Variants in STK24 observed in about 807,000 individuals in gnomAD.
The protein encoded by STK24 is serine/threonine-protein kinase 24.
In STK24, 21 loss-of-function variants were observed where a neutral mutation model predicts 55.6. The ratio of observed to expected loss-of-function variants is 0.38; its 90% CI spans 0.27 to 0.54. The LOEUF is 0.54. Among genes scored for constraint, STK24 ranks in the 20% least tolerant of loss-of-function variants. The pLI, the probability that STK24 is intolerant of heterozygous loss-of-function variation, is 0.79. For missense variants in STK24, 383 were observed against 538.4 expected (o/e 0.71, Z 2.86); for synonymous variants, 200 against 215.2 (o/e 0.93, Z 0.62).
intron 5 of STK24, among the ~76,000 whole-genome samples, chr13:98,473,652 G>A (rs1366863353): frequency 6.6e-6 from 1 of 152,164 alleles, no homozygotes; most frequent in East Asian, 1.9e-4. Flanking sequence ...CTGCTGTGTG[G>A]GTATGTGGGG....
At chr13:98,461,072 G>T (rs1312048325) in intron 8 of STK24, among the ~76,000 whole-genome samples, 1 of 151,030 alleles carries the variant, frequency 6.6e-6, no homozygotes, top group Non-Finnish European at 1.5e-5. Flanking sequence ...GAGAGAGAGA[G>T]AGAGAAAAGT....
intron 3 of STK24, among the ~76,000 whole-genome samples, chr13:98,481,909 A>G (rs1229441135): frequency 2.0e-5 from 3 of 151,838 alleles, no homozygotes; most frequent in Non-Finnish European, 2.9e-5. Context: ...AACAACAACA[A>G]CCACAAAATT....
chr13:98,535,739 G>A (rs567913713), intron 1 of STK24, among the ~76,000 whole-genome samples: 52 of 152,268 alleles, frequency 3.4e-4, no homozygotes, highest in African/African-American at 1.2e-3. Context: ...GCTCGGAAGC[G>A]GGGTTTAAGG....
intron 1 of STK24, among the ~76,000 whole-genome samples, chr13:98,571,499 T>A (rs1263473020): frequency 1.3e-5 from 2 of 152,194 alleles, no homozygotes; most frequent in African/African-American, 4.8e-5. Flanking sequence ...GATCTGAGAC[T>A]GGACTCCTCC....
chr13:98,460,787 T>C (rs1893670889), intron 8 of STK24, among the ~76,000 whole-genome samples: 1 of 151,878 alleles, frequency 6.6e-6, no homozygotes, highest in South Asian at 2.1e-4. Context: ...TGCCTGTCAT[T>C]CCAACACTTT....
chr13:98,524,793 T>C (rs962347341), intron 1 of STK24, among the ~76,000 whole-genome samples: 1 of 152,228 alleles, frequency 6.6e-6, no homozygotes, highest in African/African-American at 2.4e-5. Flanking sequence ...TGTTTTCCTT[T>C]TGCCTGGACC....
At chr13:98,568,855 C>G (rs557472820) in intron 1 of STK24, among the ~76,000 whole-genome samples, 20 of 151,930 alleles carry the variant, frequency 1.3e-4, no homozygotes, top group Admixed American at 5.9e-4. Flanking sequence ...GGTGACAGAG[C>G]GAGACTCCAT....
intron 2 of STK24, among the ~76,000 whole-genome samples, chr13:98,494,911 A>G (rs1374576705): frequency 1.3e-5 from 2 of 152,214 alleles, no homozygotes; most frequent in Admixed American, 1.3e-4. Context: ...AGGGATGCAG[A>G]GACAGCTGCT....
intron 1 of STK24, chr13:98,521,868 G>C (rs752034946): frequency 1.2e-6 from 1 of 830,834 alleles, no homozygotes; most frequent in Admixed American, 1.7e-5. Flanking sequence ...TCTCCTCCAG[G>C]ATAAGGCTTC....
At chr13:98,517,026 C>T (rs1346160723) in intron 2 of STK24, among the ~76,000 whole-genome samples, 1 of 152,164 alleles carries the variant, frequency 6.6e-6, no homozygotes, top group African/African-American at 2.4e-5. Flanking sequence ...GCAGCCCATT[C>T]CAGCATGCAG....
intron 9 of STK24, 143 bp from the exon 10 acceptor site, chr13:98,457,447 C>G (rs1893512576): frequency 3.7e-6 from 4 of 1,073,262 alleles, no homozygotes; most frequent in Admixed American, 5.3e-5. Flanking sequence ...GGCTAGGGCT[C>G]CAGGCCACTT....
chr13:98,528,587 C>T (rs937811964), intron 1 of STK24, among the ~76,000 whole-genome samples: 6 of 152,182 alleles, frequency 3.9e-5, no homozygotes, highest in African/African-American at 1.4e-4. Flanking sequence ...TTCCATAATC[C>T]CTTGAAAGAA....
chr13:98,491,380 A>G (rs914871692), intron 2 of STK24, among the ~76,000 whole-genome samples: 2 of 152,252 alleles, frequency 1.3e-5, no homozygotes, highest in African/African-American at 4.8e-5. Context: ...AAATGCAGGA[A>G]GAAGTGCTTC....
At position 98,446,963 on chromosome 13, in the gene STK24, C is replaced by G; in HGVS notation, c.*6210G>C. ...AGACCTGGGGTCCCACTGCCCGACACCAGCAGGCGATTCTGTTCTCATGGC... is the reference window on the plus strand; with the variant it reads ...AGACCTGGGGTCCCACTGCCCGACAGCAGCAGGCGATTCTGTTCTCATGGC... On this transcript the variant is annotated 3_prime_UTR_variant, in exon 11 of 11. Coordinates refer to ENST00000539966, the MANE Select transcript of STK24 (RefSeq NM_001032296.4). The G allele has an allele frequency of 1.3e-6, 1 of 782,508 alleles. No individual in the cohort carries two copies. The highest frequency in any genetic ancestry group is 2.0e-6 in the Non-Finnish European group (1 of 488,124). The allele number at this position is 782,508 out of a possible 1,614,324, so 48.5% of individuals were successfully genotyped here.
chr13:98,520,223 C>A (rs1171374797), intron 1 of STK24, among the ~76,000 whole-genome samples: 5 of 152,242 alleles, frequency 3.3e-5, no homozygotes, highest in African/African-American at 9.6e-5. Context: ...AACCTGTCAT[C>A]CACAGGGCCT....
At chr13:98,481,020 T>A (rs986873411) in intron 3 of STK24, among the ~76,000 whole-genome samples, 4 of 152,206 alleles carry the variant, frequency 2.6e-5, no homozygotes, top group African/African-American at 9.6e-5. Context: ...CCGCCTATCA[T>A]CCAGGACCCA....
intron 9 of STK24, among the ~76,000 whole-genome samples, chr13:98,458,733 G>T (rs1329282902): frequency 6.6e-6 from 1 of 152,198 alleles, no homozygotes; most frequent in Non-Finnish European, 1.5e-5. Context: ...CTGTCCCCTT[G>T]CCGTGTGGAA....
chr13:98,471,165 G>C (rs1281600417), intron 5 of STK24, among the ~76,000 whole-genome samples: 1 of 152,182 alleles, frequency 6.6e-6, no homozygotes, highest in Non-Finnish European at 1.5e-5. Context: ...GAGTCCATGG[G>C]CTCAGTGACC....
At chr13:98,458,946 A>C (rs1027862429) in intron 9 of STK24, among the ~76,000 whole-genome samples, 1 of 152,254 alleles carries the variant, frequency 6.6e-6, no homozygotes, top group Admixed American at 6.5e-5. Context: ...ATTCTTAAAA[A>C]TACATTGGGA....
Sources: gnomAD v4.1 joint callset for allele counts (sites outside exome capture counted in the v4.1 genomes callset) on GRCh38, gnomAD v4.1.1 for gene constraint, MANE v1.5 for transcripts, NCBI Gene and HGNC (gene_info 2026-07-23, HGNC 2026-07-21) for gene names.